The following DPM1 variants were observed in gnomAD, a reference collection of about 807,000 sequenced individuals.
DPM1 encodes dolichol-phosphate mannosyltransferase subunit 1.
Under a neutral mutation model 39.0 loss-of-function variants are expected in DPM1, and 27 were observed. That is an observed-to-expected ratio of 0.69 (90% confidence interval 0.51 to 0.95). DPM1 has a LOEUF of 0.95. DPM1 is among the 40% of genes least tolerant of loss of function. The probability of loss-of-function intolerance (pLI) is 0.00; values close to 1 mark genes in which losing one functional copy is unlikely to be tolerated. For missense variants in DPM1, 307 were observed against 315.6 expected (o/e 0.97, Z 0.21); for synonymous variants, 124 against 109.0 (o/e 1.14, Z -0.86).
intron 2 of DPM1, among the ~76,000 whole-genome samples, chr20:50,953,163 C>T (rs181183230): frequency 2.4e-4 from 36 of 152,302 alleles, no homozygotes; most frequent in African/African-American, 8.2e-4. Context: ...GCATTCAACA[C>T]AGAGCAGTTG....
rs996212676 is a variant in DPM1, at chr20:50,958,332, A to T, written c.161+31T>A. ...CGGGCCGGGGAAGCCAGCTCATCTCATTCTTCGGGGAGGGAGACCTGGTGC... is the reference window on the plus strand; with the variant it reads ...CGGGCCGGGGAAGCCAGCTCATCTCTTTCTTCGGGGAGGGAGACCTGGTGC... On this transcript the variant is annotated intron_variant, in intron 1 of 8. Coordinates refer to ENST00000371588, the MANE Select transcript of DPM1 (RefSeq NM_003859.3). 24 of 1,610,258 alleles carry T rather than the reference A, an allele frequency of 1.5e-5. No individual in the cohort carries two copies. In the Admixed American group the frequency reaches 3.7e-4, roughly 25 times the overall value.
chr20:50,940,560 A>G (rs995929538), intron 7 of DPM1, among the ~76,000 whole-genome samples: 1 of 152,220 alleles, frequency 6.6e-6, no homozygotes, highest in Non-Finnish European at 1.5e-5. Flanking sequence ...AAATGCAGAA[A>G]ATTAAGTACA....
intron 2 of DPM1, among the ~76,000 whole-genome samples, chr20:50,952,206 T>C (rs1986618453): frequency 6.6e-6 from 1 of 152,252 alleles, no homozygotes; most frequent in Non-Finnish European, 1.5e-5. Context: ...GACAGGCATA[T>C]ACTTTTTGAA....
Position 50,945,843 on chromosome 20 carries a change from T to G in DPM1, c.372+4A>C. 1 of 1,612,796 alleles carries G rather than the reference T, an allele frequency of 6.2e-7. No homozygotes were observed. Among genetic ancestry groups the G allele is most frequent in the Non-Finnish European group, 8.5e-7 (1 of 1,178,904 alleles). ...AATAGCTAATAAAGAAACATACCAC[T>G]TACATGGTGTGAGAGATCAGCATCC... On this transcript the variant is annotated splice_donor_region_variant and intron_variant, in intron 4 of 8. Transcript: ENST00000371588.
chr20:50,953,764 A>C (rs1421483205), intron 2 of DPM1, among the ~76,000 whole-genome samples: 1 of 152,216 alleles, frequency 6.6e-6, no homozygotes, highest in East Asian at 1.9e-4. Context: ...AAAAGTATTC[A>C]AAATGTTGTC....
intron 2 of DPM1, among the ~76,000 whole-genome samples, chr20:50,949,523 C>T (rs1986469179): frequency 6.6e-6 from 1 of 152,160 alleles, no homozygotes; most frequent in African/African-American, 2.4e-5. Flanking sequence ...CCTCCTAAAT[C>T]TTTTTGCTTA....
In DPM1 at chr20:50,958,400, G is replaced by A. The variant is rs772672531; in HGVS notation, c.124C>T (p.Leu42Phe). Reference sequence around the variant, plus strand: ...CTTTTCACCAGCAGCCACACGATGAGCGGCAGGTTCTCGCGCTCGTTGTAG... The same window carrying A: ...CTTTTCACCAGCAGCCACACGATGAACGGCAGGTTCTCGCGCTCGTTGTAG... ...PTYNERENLP[L>F]IVWLLVKSFS... Residue 42 changes from leucine (L) to phenylalanine (F), a missense_variant, in exon 1 of 9, where the codon CTC (leucine) becomes TTC (phenylalanine). Physicochemically the swap from Leu to Phe is conservative, Grantham distance 22. Transcript: ENST00000371588. The A allele has an allele frequency of 1.9e-6, 3 of 1,614,058 alleles. No individual in the cohort carries two copies. In the South Asian group the frequency reaches 3.3e-5, roughly 18 times the overall value.
rs184596839 is a variant in DPM1 at position 50,946,084 on chromosome 20, A to G, written c.296-161T>C. 2.6e-5 allele frequency among the ~76,000 whole-genome samples: 4 copies of G among 152,372 alleles called. No homozygotes were observed. The East Asian group carries it at 7.7e-4, about 29-fold the overall frequency. On this transcript the variant is annotated intron_variant, in intron 3 of 8. Transcript: ENST00000371588. ...TCACCTTAAGTACATAAGTTCATGTATATTACATATATAATCAAGAAGGTA... is the reference window on the plus strand; with the variant it reads ...TCACCTTAAGTACATAAGTTCATGTGTATTACATATATAATCAAGAAGGTA...
At chr20:50,936,054 C>G in intron 8 of DPM1, 94 bp downstream of exon 8, 1 of 850,026 alleles carries the variant, frequency 1.2e-6, no homozygotes, top group African/African-American at 1.7e-5. Context: ...CACAATTTAG[C>G]AGTTATGAAA....
intron 7 of DPM1, among the ~76,000 whole-genome samples, chr20:50,939,860 G>A (rs908562286): frequency 1.3e-5 from 2 of 152,156 alleles, no homozygotes; most frequent in South Asian, 2.1e-4. Flanking sequence ...TGATCCACAT[G>A]CCTCGGCCTC....
intron 1 of DPM1, 136 bp downstream of exon 1, chr20:50,958,227 G>A: frequency 2.7e-6 from 3 of 1,113,316 alleles, no homozygotes; most frequent in East Asian, 5.1e-5. Context: ...TCCCTCGCAG[G>A]GTGGCCCTCT....
chr20:50,941,297 T>C (rs918186531), intron 6 of DPM1: 5 of 153,528 alleles, frequency 3.3e-5, no homozygotes, highest in African/African-American at 1.5e-4. Context: ...TATATACACA[T>C]TCATATAATA....
chr20:50,948,479 A>T (rs1986408207), intron 3 of DPM1, 150 bp downstream of exon 3: 1 of 845,866 alleles, frequency 1.2e-6, no homozygotes, highest in Non-Finnish European at 2.1e-6. Flanking sequence ...CAGGCGACCC[A>T]AGTTATACCA....
intron 1 of DPM1, among the ~76,000 whole-genome samples, chr20:50,956,289 C>T (rs1281629886): frequency 6.6e-6 from 1 of 152,176 alleles, no homozygotes. Context: ...ATTCCGTTTT[C>T]TCTTGGTCCT....
At chr20:50,947,966 A>G (rs1228937807) in intron 3 of DPM1, among the ~76,000 whole-genome samples, 1 of 152,148 alleles carries the variant, frequency 6.6e-6, no homozygotes, top group African/African-American at 2.4e-5. Flanking sequence ...AACTTAAAGG[A>G]TGTTCCAAGG....
Position 50,946,558 on chromosome 20 carries a change from A to G in DPM1, c.296-635T>C, listed in dbSNP as rs1364808834. Among the ~76,000 whole-genome samples, 4 of 152,148 alleles carry G rather than the reference A, an allele frequency of 2.6e-5. No homozygotes were observed. In the East Asian group the frequency reaches 7.7e-4, roughly 29 times the overall value. On this transcript the variant is annotated intron_variant, in intron 3 of 8. Coordinates refer to ENST00000371588, the MANE Select transcript of DPM1 (RefSeq NM_003859.3). Reference sequence around the variant, plus strand: ...TTCAATTCCCTTTTTCTTGTCTTTTACACCGTAAACCTGGTACGCTAGACC... The same window carrying G: ...TTCAATTCCCTTTTTCTTGTCTTTTGCACCGTAAACCTGGTACGCTAGACC...
In DPM1 at chr20:50,936,255, G is replaced by A. The variant is rs1324743951; in HGVS notation, c.571C>T (p.Arg191Ter). ...SDLTGSFRLY[R>*]KEVLEKLIEK... is the part of the protein sequence containing the mutation. ...ATTAATTTCTCTAGAACTTCTTTTC[G>A]GTATAATCTGTAAGAAATTAAAAAT... The change falls in exon 8 of 9, where the codon CGA (arginine) becomes TGA (stop). Residue 191 changes from arginine (R) to a stop codon, truncating the protein, a stop_gained. Transcript: ENST00000371588. LOFTEE classifies it high-confidence loss of function. 1.1e-5 allele frequency: 17 copies of A among 1,587,088 alleles called. No individual in the cohort carries two copies. The highest frequency in any genetic ancestry group is 1.7e-5 in the Admixed American group (1 of 59,890).
chr20:50,936,543 G>A (rs191592246), intron 7 of DPM1, among the ~76,000 whole-genome samples: 18 of 152,126 alleles, frequency 1.2e-4, no homozygotes, highest in Non-Finnish European at 1.8e-4. Context: ...AGTGAAATAC[G>A]GTAAAATGAA....
chr20:50,945,283 GTTGTGTGT>G lies in DPM1; in HGVS notation c.398+446_398+453del, dbSNP rs1192031232. On this transcript the variant is annotated intron_variant, in intron 5 of 8. Transcript: ENST00000371588. Reference sequence around the variant, plus strand: ...ATACATCATTTAGTCTCAAATGTGTGTTGTGTGTGTGTGTGTGTGTGTGTGTGTGTGTG... The same window carrying G: ...ATACATCATTTAGTCTCAAATGTGTGGTGTGTGTGTGTGTGTGTGTGTGTG... 1.4e-3 allele frequency: 122 copies of G among 87,314 alleles called. 1 individual carries two copies. The highest frequency in any genetic ancestry group is 0.012 in the Middle Eastern group (2 of 172). The allele number at this position is 87,314 out of a possible 1,614,324, so 5.4% of individuals were successfully genotyped here. A position where few individuals can be genotyped will look rare whatever the true frequency, so the allele number is the denominator to read the frequency against.
Sources: allele counts gnomAD v4.1 joint callset (sites outside exome capture counted in the v4.1 genomes callset), GRCh38; gene constraint gnomAD v4.1.1; transcripts MANE v1.5; gene names NCBI Gene and HGNC (gene_info 2026-07-23, HGNC 2026-07-21).